The following OXR1 variants were observed in gnomAD, a reference collection of about 807,000 sequenced individuals.
OXR1 encodes the protein oxidation resistance protein 1.
In OXR1, 41 loss-of-function variants were observed where a neutral mutation model predicts 104.6. The ratio of observed to expected loss-of-function variants is 0.39; its 90% CI spans 0.31 to 0.51. The LOEUF is 0.51. Ranked by LOEUF, OXR1 falls within the 20% of genes least tolerant of loss-of-function variation. The pLI is 0.77. For missense variants in OXR1, 955 were observed against 1,031.9 expected, an observed-to-expected ratio of 0.93 and a Z score of 1.02; for synonymous variants, 348 against 348.4, an observed-to-expected ratio of 1.00 and a Z score of 0.01.
intron 2 of OXR1, among the ~76,000 whole-genome samples, chr8:106,382,708 T>A (rs1817204083): frequency 7.6e-6 from 1 of 132,272 alleles, no homozygotes. Context: ...TTTTTTTTTT[T>A]AAGGAGAGAG....
chr8:106,487,662 A>C (rs937523572), intron 2 of OXR1, among the ~76,000 whole-genome samples: 14 of 148,116 alleles, frequency 9.5e-5, no homozygotes, highest in East Asian at 4.2e-4. Flanking sequence ...TATGAGTGAG[A>C]ATATGCGGTG....
intron 3 of OXR1, among the ~76,000 whole-genome samples, chr8:106,665,963 A>C (rs1013321715): frequency 1.3e-5 from 2 of 152,116 alleles, no homozygotes; most frequent in Non-Finnish European, 2.9e-5. Context: ...CAAAAAAAAA[A>C]CTCATGGAAC....
chr8:106,656,913 C>T (rs906378218), intron 3 of OXR1, among the ~76,000 whole-genome samples: 1 of 151,528 alleles, frequency 6.6e-6, no homozygotes, highest in Non-Finnish European at 1.5e-5. Context: ...TTTCAGGGCT[C>T]TATTGTTGGA....
intron 3 of OXR1, among the ~76,000 whole-genome samples, chr8:106,533,413 G>A (rs1473770958): frequency 2.0e-5 from 3 of 152,212 alleles, no homozygotes; most frequent in African/African-American, 4.8e-5. Flanking sequence ...AGGTGTTTAT[G>A]AAAGCTATGT....
Position 106,633,969 on chromosome 8 carries a change from G to T in OXR1, c.221-45241G>T, listed in dbSNP as rs77896359. On this transcript the variant is annotated intron_variant, in intron 3 of 16. Coordinates refer to ENST00000517566, the MANE Select transcript of OXR1 (RefSeq NM_001198533.2). ...CTTATTAATAATGACATACAAAAAG[G>T]CTACATAATTCATATTGGATTTACC... is the stretch of plus-strand genomic sequence containing the variant. Among the ~76,000 whole-genome samples the T allele has an allele frequency of 2.6e-4, 40 of 152,176 alleles. 1 individual carries two copies. The East Asian group carries it at 7.3e-3, about 28-fold the overall frequency.
At chr8:106,718,774 G>A (rs906134274) in intron 11 of OXR1, among the ~76,000 whole-genome samples, 35 of 151,714 alleles carry the variant, frequency 2.3e-4, no homozygotes, top group Admixed American at 7.2e-4. Flanking sequence ...GGGAGGTGGA[G>A]CGTGCAGTGA....
At chr8:106,273,290 GC>G (rs1263597404) in intron 1 of OXR1, among the ~76,000 whole-genome samples, 1 of 152,242 alleles carries the variant, frequency 6.6e-6, no homozygotes, top group African/African-American at 2.4e-5. Context: ...TGGTGAAATG[GC>G]TTGAGGAGGC....
rs1009590303 is a variant in OXR1 at position 106,698,399 on chromosome 8, G to T, written c.676-4507G>T. 5.3e-5 allele frequency among the ~76,000 whole-genome samples: 8 copies of T among 152,020 alleles called. No individual in the cohort carries two copies. In the East Asian group the frequency reaches 9.6e-4, roughly 18 times the overall value. ...TTTTTTTCTATTTGTTTTGCTGGGG[G>T]TTCCTTTAGCTTGGTTCTGTAGGTT... On this transcript the variant is annotated intron_variant, in intron 7 of 16. Transcript: ENST00000517566.
rs372630076 is a variant in OXR1 at position 106,658,090 on chromosome 8, G to A, written c.221-21120G>A. On this transcript the variant is annotated intron_variant, in intron 3 of 16. Coordinates refer to ENST00000517566, the MANE Select transcript of OXR1 (RefSeq NM_001198533.2). ...GGCGGCGGCGAAGCCCGGCAGGTGC[G>A]CTTCGAAGATTACCTGAGGGAGCCA... 329 of 1,248,220 alleles carry A rather than the reference G, an allele frequency of 2.6e-4. 1 individual carries two copies. The East Asian group carries it at 0.01, about 38-fold the overall frequency. The allele number at this position is 1,248,220 out of a possible 1,614,324, so 77.3% of individuals were successfully genotyped here. A position where few individuals can be genotyped will look rare whatever the true frequency, so the allele number is the denominator to read the frequency against.
intron 3 of OXR1, among the ~76,000 whole-genome samples, chr8:106,670,908 G>A (rs887532372): frequency 6.6e-6 from 1 of 151,790 alleles, no homozygotes; most frequent in Non-Finnish European, 1.5e-5. Flanking sequence ...AATCAGGCGT[G>A]GTGGTGCGTG....
At chr8:106,304,501 A>G (rs981886719) in intron 1 of OXR1, among the ~76,000 whole-genome samples, 3 of 152,202 alleles carry the variant, frequency 2.0e-5, no homozygotes, top group African/African-American at 4.8e-5. Flanking sequence ...AATGTGAGCC[A>G]CATATATAAT....
chr8:106,657,317 A>G (rs1347280138), intron 3 of OXR1, among the ~76,000 whole-genome samples: 1 of 92,330 alleles, frequency 1.1e-5, no homozygotes, highest in Non-Finnish European at 2.1e-5. Context: ...GTCCTTAAAC[A>G]TAAAAAAAAA....
intron 2 of OXR1, among the ~76,000 whole-genome samples, chr8:106,371,574 A>G (rs1045483583): frequency 6.6e-6 from 1 of 152,228 alleles, no homozygotes; most frequent in Non-Finnish European, 1.5e-5. Context: ...GCTATGTCCC[A>G]GAGATTCTGC....
intron 8 of OXR1, among the ~76,000 whole-genome samples, chr8:106,703,802 AAGG>A (rs2131360352): frequency 6.6e-6 from 1 of 152,280 alleles, no homozygotes. Context: ...AAAAGAAAGG[AAGG>A]AGAAGTAGCA....
At chr8:106,649,800 C>T (rs529002138) in intron 3 of OXR1, among the ~76,000 whole-genome samples, 1 of 152,050 alleles carries the variant, frequency 6.6e-6, no homozygotes, top group African/African-American at 2.4e-5. Context: ...AGGTTCACGC[C>T]ATTCTCCTGC....
intron 7 of OXR1, among the ~76,000 whole-genome samples, chr8:106,701,650 T>C (rs1185104196): frequency 6.6e-6 from 1 of 152,148 alleles, no homozygotes; most frequent in Non-Finnish European, 1.5e-5. Context: ...TTGGAGTGAT[T>C]ATGGATTGTG....
intron 3 of OXR1, among the ~76,000 whole-genome samples, chr8:106,578,611 A>C (rs1162431359): frequency 6.6e-6 from 1 of 152,242 alleles, no homozygotes; most frequent in Non-Finnish European, 1.5e-5. Context: ...TTAAGGAATT[A>C]AGGACTTACT....
intron 3 of OXR1, among the ~76,000 whole-genome samples, chr8:106,587,100 G>A (rs183714240): frequency 5.2e-4 from 79 of 152,164 alleles, no homozygotes; most frequent in African/African-American, 1.9e-3. Context: ...CAGTAGAGGT[G>A]GAAAATTTGA....
chr8:106,516,090 T>C (rs973095723), intron 2 of OXR1, among the ~76,000 whole-genome samples: 3 of 152,066 alleles, frequency 2.0e-5, no homozygotes, highest in Non-Finnish European at 4.4e-5. Context: ...TCCCTCTTTT[T>C]CTCTGTTCCA....
Sources: gnomAD v4.1 joint callset for allele counts (sites outside exome capture counted in the v4.1 genomes callset) on GRCh38, gnomAD v4.1.1 for gene constraint, MANE v1.5 for transcripts, NCBI Gene and HGNC (gene_info 2026-07-23, HGNC 2026-07-21) for gene names.